TRDN: variants seen among roughly 807,000 people sequenced by gnomAD.
TRDN encodes the protein triadin in skeletal muscle.
Under a neutral mutation model 149.7 loss-of-function variants are expected in TRDN, and 161 were observed. The observed-to-expected ratio is 1.08, with a 90% CI of 0.95 to 1.23. The LOEUF (loss-of-function observed/expected upper bound fraction) is 1.23, where lower values mean the gene tolerates loss of function less well. Ranked by LOEUF, TRDN falls within the 50% of genes most tolerant of loss-of-function variation. The probability of loss-of-function intolerance (pLI) is 0.00; values close to 1 mark genes in which losing one functional copy is unlikely to be tolerated. For missense variants in TRDN, 896 were observed against 823.5 expected (o/e 1.09, Z -1.08); for synonymous variants, 294 against 250.5 (o/e 1.17, Z -1.64).
intron 10 of TRDN, among the ~76,000 whole-genome samples, chr6:123,449,279 G>T (rs1274669897): frequency 6.6e-6 from 1 of 152,112 alleles, no homozygotes; most frequent in Non-Finnish European, 1.5e-5. Flanking sequence ...AATCAGGGAG[G>T]CACCAGAGAA....
chr6:123,504,676 C>G (rs946460766), intron 7 of TRDN, among the ~76,000 whole-genome samples: 2 of 151,966 alleles, frequency 1.3e-5, no homozygotes, highest in Non-Finnish European at 2.9e-5. Context: ...ATATTACACA[C>G]ATATATTCTT....
chr6:123,391,668 G>C lies in TRDN; in HGVS notation c.1105+1956C>G, dbSNP rs531283890. On this transcript the variant is annotated intron_variant, in intron 13 of 40. Transcript: ENST00000334268. ...GAATATATGCTAAATCTTAATAATA[G>C]TTATAAATAAATATGAACATATATA... is the stretch of plus-strand genomic sequence containing the variant. Among the ~76,000 whole-genome samples the C allele has an allele frequency of 6.6e-5, 10 of 151,780 alleles. No homozygotes were observed. In the South Asian group the frequency reaches 2.1e-3, roughly 32 times the overall value.
At chr6:123,303,594 T>C (rs76405676) in intron 24 of TRDN, among the ~76,000 whole-genome samples, 2,540 of 152,274 alleles carry the variant, frequency 0.017, 25 homozygotes, top group Non-Finnish European at 0.024. Context: ...AATAGGATGT[T>C]TTCAGTGAGG....
chr6:123,276,909 G>A (rs1446663570), intron 26 of TRDN, among the ~76,000 whole-genome samples: 1 of 152,112 alleles, frequency 6.6e-6, no homozygotes, highest in East Asian at 1.9e-4. Context: ...GAGAAGGCAG[G>A]GCTGTCAGCA....
chr6:123,286,132 A>G (rs563252895), intron 24 of TRDN, among the ~76,000 whole-genome samples: 1 of 152,270 alleles, frequency 6.6e-6, no homozygotes, highest in Admixed American at 6.5e-5. Flanking sequence ...TTAAAGAACT[A>G]AAAGTAGAAC....
chr6:123,280,193 G>C (rs138910524), intron 24 of TRDN, among the ~76,000 whole-genome samples: 1 of 152,254 alleles, frequency 6.6e-6, no homozygotes, highest in Non-Finnish European at 1.5e-5. Context: ...AGGTAGAGCA[G>C]AGAGCAGCAG....
chr6:123,323,069 A>T (rs1779310937), intron 23 of TRDN, among the ~76,000 whole-genome samples: 2 of 152,160 alleles, frequency 1.3e-5, no homozygotes, highest in South Asian at 4.1e-4. Context: ...ACGGATATAT[A>T]ACAAAATTAA....
intron 1 of TRDN, among the ~76,000 whole-genome samples, chr6:123,608,086 A>T (rs897387065): frequency 6.6e-6 from 1 of 152,148 alleles, no homozygotes; most frequent in African/African-American, 2.4e-5. Flanking sequence ...AAATAATGAT[A>T]TTGAACTTAG....
chr6:123,239,186 T>C (rs572486055), intron 38 of TRDN, among the ~76,000 whole-genome samples: 1 of 152,320 alleles, frequency 6.6e-6, no homozygotes, highest in Non-Finnish European at 1.5e-5. Context: ...GAAGTCATCA[T>C]ATAAAGATAA....
intron 7 of TRDN, among the ~76,000 whole-genome samples, chr6:123,506,738 C>G (rs918698328): frequency 3.9e-5 from 6 of 152,084 alleles, no homozygotes; most frequent in Non-Finnish European, 8.8e-5. Context: ...ATCCACCCGC[C>G]TCGGCCTCCC....
intron 2 of TRDN, among the ~76,000 whole-genome samples, chr6:123,564,980 A>G (rs2114514196): frequency 6.6e-6 from 1 of 152,298 alleles, no homozygotes; most frequent in South Asian, 2.1e-4. Context: ...ACCACATTCT[A>G]TTGCTGTACA....
chr6:123,271,122 T>A lies in TRDN; in HGVS notation c.1720+17A>T. On this transcript the variant is annotated intron_variant, in intron 30 of 40. Coordinates refer to ENST00000334268, the MANE Select transcript of TRDN (RefSeq NM_006073.4). Reference sequence around the variant, plus strand: ...ATATAATGAGACATAGAAAAAAATATAAAATACCTTATTTACCTGTTTTTT... The same window carrying A: ...ATATAATGAGACATAGAAAAAAATAAAAAATACCTTATTTACCTGTTTTTT... The A allele has an allele frequency of 6.7e-7, 1 of 1,495,144 alleles. No individual in the cohort carries two copies. The highest frequency in any genetic ancestry group is 9.0e-7 in the Non-Finnish European group (1 of 1,112,230). The allele number at this position is 1,495,144 out of a possible 1,614,324, so 92.6% of individuals were successfully genotyped here.
intron 12 of TRDN, among the ~76,000 whole-genome samples, chr6:123,434,225 T>C (rs974213742): frequency 7.2e-5 from 11 of 152,226 alleles, no homozygotes; most frequent in African/African-American, 2.7e-4. Flanking sequence ...GTATCATTTT[T>C]ATAGATACTA....
chr6:123,553,179 C>T (rs1306564746), intron 2 of TRDN, among the ~76,000 whole-genome samples: 1 of 152,092 alleles, frequency 6.6e-6, no homozygotes, highest in African/African-American at 2.4e-5. Flanking sequence ...ATAGCTTCCC[C>T]TCCCCTCAAC....
rs535667651 is a variant in TRDN at position 123,408,786 on chromosome 6, G to A, written c.1052-15109C>T. Among the ~76,000 whole-genome samples the A allele has an allele frequency of 5.9e-5, 9 of 152,062 alleles. No homozygotes were observed. The South Asian group carries it at 8.3e-4, about 14-fold the overall frequency. ...ATTCCTTGTTTAAATTTACATGGAA[G>A]AGCATATCTTTAAGAGTAATAATCT... On this transcript the variant is annotated intron_variant, in intron 12 of 40. Transcript: ENST00000334268.
chr6:123,582,865 G>C (rs1191047004), intron 1 of TRDN, among the ~76,000 whole-genome samples: 1 of 151,860 alleles, frequency 6.6e-6, no homozygotes, highest in Non-Finnish European at 1.5e-5. Context: ...AGTGGGATTG[G>C]GGGGGCGTGG....
chr6:123,330,638 A>AT (rs979557583), intron 23 of TRDN, among the ~76,000 whole-genome samples: 3 of 151,964 alleles, frequency 2.0e-5, no homozygotes, highest in Non-Finnish European at 4.4e-5. Context: ...TGTTGCTTTA[A>AT]TTTTTTTTGA....
chr6:123,394,181 G>A (rs561391631), intron 12 of TRDN, among the ~76,000 whole-genome samples: 1 of 152,098 alleles, frequency 6.6e-6, no homozygotes, highest in East Asian at 1.9e-4. Flanking sequence ...GTGTGGCCCT[G>A]GGCAAAATAT....
chr6:123,471,395 A>G (rs898000107), intron 9 of TRDN: 9 of 152,226 alleles, frequency 5.9e-5, no homozygotes, highest in Non-Finnish European at 2.9e-5. Context: ...GAAGATCACC[A>G]GTGAAGAAGC....
Sources: gnomAD v4.1 joint callset for allele counts (sites outside exome capture counted in the v4.1 genomes callset) on GRCh38, gnomAD v4.1.1 for gene constraint, MANE v1.5 for transcripts, NCBI Gene and HGNC (gene_info 2026-07-23, HGNC 2026-07-21) for gene names.